GAB4: variants seen among roughly 807,000 people sequenced by gnomAD.
GAB4 encodes GRB2 associated binding protein family member 4.
In GAB4, 26 loss-of-function variants were observed where a neutral mutation model predicts 51.3. That is an observed-to-expected ratio of 0.51 (90% CI 0.37 to 0.70). The LOEUF is 0.70. Among genes scored for constraint, GAB4 ranks in the 30% least tolerant of loss-of-function variants. GAB4 has a pLI of 0.00. For synonymous variants in GAB4, 329 were observed against 291.2 expected (o/e 1.13, Z -1.32); for missense variants, 759 against 734.6 (o/e 1.03, Z -0.38).
At chr22:16,984,603 A>T (rs138177214) in intron 3 of GAB4, among the ~76,000 whole-genome samples, 1 of 152,104 alleles carries the variant, frequency 6.6e-6, no homozygotes, top group African/African-American at 2.4e-5. Context: ...GGTTGCCATA[A>T]TCCTTGGGAG....
chr22:16,991,837 GC>G lies in GAB4; in HGVS notation c.478+35del, dbSNP rs746077177. 5 of 1,547,778 alleles carry G rather than the reference GC, an allele frequency of 3.2e-6. No homozygotes were observed. The East Asian group carries it at 9.0e-5, about 28-fold the overall frequency. On this transcript the variant is annotated intron_variant, in intron 2 of 9. Coordinates refer to ENST00000400588, the MANE Select transcript of GAB4 (RefSeq NM_001037814.1). ...CTGGAGATTGGAGGGCCTCATCTCA[GC>G]CCCTCCTGAGACAGGGCTGTGTGTG...
chr22:16,962,765 A>T lies in GAB4; in HGVS notation c.1693T>A (p.Ser565Thr), dbSNP rs771189893. ...TMHEQMCLRQ[S>T]SEPPRGAKL ...TTGGCGCCCCTGGGAGGCTCTGAGG[A>T]CTGCCGCAGGCACATCTGTTCATGC... The change falls in exon 10 of 10, where the codon TCC (serine) becomes ACC (threonine). Residue 565 changes from serine (S) to threonine (T), a missense_variant. Ser to Thr is a moderately conservative substitution (Grantham distance 58). This residue lies in a region of GAB4 where 588 missense variants were observed against 510.2 expected (regional missense o/e 1.15). Coordinates refer to ENST00000400588, the MANE Select transcript of GAB4 (RefSeq NM_001037814.1). 5 of 1,613,080 alleles carry T rather than the reference A, an allele frequency of 3.1e-6. No homozygotes were observed. The highest frequency in any genetic ancestry group is 4.2e-6 in the Non-Finnish European group (5 of 1,179,786).
intron 3 of GAB4, among the ~76,000 whole-genome samples, chr22:16,975,387 C>G (rs753133743): frequency 2.6e-5 from 4 of 152,146 alleles, no homozygotes; most frequent in Non-Finnish European, 4.4e-5. Flanking sequence ...GTAAACAAAC[C>G]CTCCAGGAAG....
chr22:16,992,080 G>A lies in GAB4; in HGVS notation c.271C>T (p.Leu91=), dbSNP rs751703480. The A allele has an allele frequency of 6.2e-7, 1 of 1,614,200 alleles. No homozygotes were observed. ...YYKNDGSKKP[L]RTINLNLCEQ... is the part of the protein sequence containing the mutation. ...CAGAGGTTCAGGTTGATGGTGCGCA[G>A]GGGCTTCTTGGAGCCATCATTCTTG... Residue 91 remains leucine (L), a synonymous_variant, in exon 2 of 10, where the codon CTG becomes TTG. Transcript: ENST00000400588.
chr22:16,963,522 C>T (rs1332533811), intron 9 of GAB4, among the ~76,000 whole-genome samples: 2 of 152,276 alleles, frequency 1.3e-5, no homozygotes, highest in African/African-American at 4.8e-5. Flanking sequence ...GGAGTCGGGG[C>T]AGGCTGATGA....
At chr22:16,985,678 C>T (rs2060861435) in intron 3 of GAB4, among the ~76,000 whole-genome samples, 1 of 152,210 alleles carries the variant, frequency 6.6e-6, no homozygotes, top group Non-Finnish European at 1.5e-5. Context: ...TGCTAATTGT[C>T]CTCTCACTCC....
At chr22:16,978,092 A>G (rs1319411276) in intron 3 of GAB4, among the ~76,000 whole-genome samples, 5 of 152,194 alleles carry the variant, frequency 3.3e-5, no homozygotes, top group African/African-American at 9.7e-5. Context: ...AAGATCTAAA[A>G]TCAACACCCT....
intron 3 of GAB4, among the ~76,000 whole-genome samples, chr22:16,973,481 C>T (rs2060750218): frequency 6.6e-6 from 1 of 152,150 alleles, no homozygotes; most frequent in Non-Finnish European, 1.5e-5. Flanking sequence ...CAACATCTGC[C>T]TGCCCCAGGT....
intron 1 of GAB4, among the ~76,000 whole-genome samples, chr22:17,001,718 C>T (rs527541078): frequency 1.6e-4 from 25 of 152,256 alleles, no homozygotes; most frequent in Non-Finnish European, 3.2e-4. Context: ...GGAGAAGAGG[C>T]GCTCTGATTT....
At chr22:16,963,408 C>T (rs2060644971) in intron 9 of GAB4, among the ~76,000 whole-genome samples, 1 of 152,220 alleles carries the variant, frequency 6.6e-6, no homozygotes, top group Non-Finnish European at 1.5e-5. Context: ...GTTCTCCTCA[C>T]AGAAGAGTTT....
At chr22:16,977,506 G>A (rs2060789135) in intron 3 of GAB4, among the ~76,000 whole-genome samples, 1 of 152,110 alleles carries the variant, frequency 6.6e-6, no homozygotes, top group African/African-American at 2.4e-5. Context: ...CCTAATACAG[G>A]CACACCCAGA....
intron 3 of GAB4, among the ~76,000 whole-genome samples, chr22:16,980,800 A>C (rs2060821013): frequency 6.6e-6 from 1 of 152,224 alleles, no homozygotes; most frequent in African/African-American, 2.4e-5. Context: ...AATGTGGCAC[A>C]TATGCACCGT....
intron 3 of GAB4, among the ~76,000 whole-genome samples, chr22:16,987,046 C>T (rs973948965): frequency 6.6e-6 from 1 of 152,192 alleles, no homozygotes; most frequent in Non-Finnish European, 1.5e-5. Flanking sequence ...AAATGATCTT[C>T]CTAGCTATCT....
intron 3 of GAB4, among the ~76,000 whole-genome samples, chr22:16,971,698 G>A (rs2060733498): frequency 6.6e-6 from 1 of 152,186 alleles, no homozygotes; most frequent in Non-Finnish European, 1.5e-5. Flanking sequence ...GTTTCTAGGG[G>A]TCACAGCCCT....
At chr22:16,974,096 G>A (rs1365772843) in intron 3 of GAB4, among the ~76,000 whole-genome samples, 2 of 152,240 alleles carry the variant, frequency 1.3e-5, no homozygotes, top group Non-Finnish European at 2.9e-5. Context: ...CTCAATCCCT[G>A]CTGCAGTGTG....
chr22:16,970,216 G>T (rs1351618938), intron 3 of GAB4, 23 bp from the exon 4 acceptor site: 2 of 1,613,014 alleles, frequency 1.2e-6, no homozygotes, highest in African/African-American at 2.7e-5. Flanking sequence ...AAGAAGGGAA[G>T]GGGCAGGGGT....
At chr22:16,984,360 T>C (rs1360770032) in intron 3 of GAB4, among the ~76,000 whole-genome samples, 1 of 152,182 alleles carries the variant, frequency 6.6e-6, no homozygotes, top group East Asian at 1.9e-4. Flanking sequence ...GGAATGTAAA[T>C]TAGCACAGCC....
At position 17,008,180 on chromosome 22, in the gene GAB4, T is replaced by A; in HGVS notation, c.-66A>T. 4 of 1,176,736 alleles carry A rather than the reference T, an allele frequency of 3.4e-6. No homozygotes were observed. The highest frequency in any genetic ancestry group is 4.9e-6 in the Non-Finnish European group (4 of 818,656). The allele number at this position is 1,176,736 out of a possible 1,614,324, so 72.9% of individuals were successfully genotyped here. A position where few individuals can be genotyped will look rare whatever the true frequency, so the allele number is the denominator to read the frequency against. On this transcript the variant is annotated 5_prime_UTR_variant, in exon 1 of 10. Transcript: ENST00000400588. ...AGAGGGCGTTGCTGGAGGTGGGGTG[T>A]GAGGGACGGCTTGCGATACCCTGGG...
Position 16,984,031 on chromosome 22 carries a change from G to A in GAB4, c.686+3929C>T, listed in dbSNP as rs2060847178. Reference sequence around the variant, plus strand: ...GGTAAAGAAACAATCTACGCAATAGGAGAAAGTATTTTCAAACTATTCATC... The same window carrying A: ...GGTAAAGAAACAATCTACGCAATAGAAGAAAGTATTTTCAAACTATTCATC... On this transcript the variant is annotated intron_variant, in intron 3 of 9. Coordinates refer to ENST00000400588, the MANE Select transcript of GAB4 (RefSeq NM_001037814.1). Among the ~76,000 whole-genome samples the A allele has an allele frequency of 2.6e-5, 4 of 152,070 alleles. No individual in the cohort carries two copies. In the South Asian group the frequency reaches 8.3e-4, roughly 32 times the overall value.
Sources: allele counts gnomAD v4.1 joint callset (sites outside exome capture counted in the v4.1 genomes callset), GRCh38; gene constraint gnomAD v4.1.1; regional missense constraint gnomAD v4.1.1; transcripts MANE v1.5; gene names NCBI Gene and HGNC (gene_info 2026-07-23, HGNC 2026-07-21).